The following SCML2 variants were observed in gnomAD, a reference collection of about 807,000 sequenced individuals.
SCML2 encodes the protein Scm polycomb group protein like 2.
A neutral mutation model predicts 48.4 loss-of-function variants in SCML2; 6 were observed. That is an observed-to-expected ratio of 0.12 (90% CI 0.07 to 0.24). SCML2 has a LOEUF of 0.24. SCML2 is among the 10% of genes least tolerant of loss of function. The probability of loss-of-function intolerance (pLI) is 1.00; values close to 1 mark genes in which losing one functional copy is unlikely to be tolerated. For missense variants in SCML2, 377 were observed against 528.2 expected, an observed-to-expected ratio of 0.71 and a Z score of 2.81; for synonymous variants, 181 against 189.5, an observed-to-expected ratio of 0.95 and a Z score of 0.37.
intron 2 of SCML2, among the ~76,000 whole-genome samples, chrX:18,332,426 C>A (rs1929686389): frequency 8.9e-6 from 1 of 112,052 alleles, no homozygotes; most frequent in Non-Finnish European, 1.9e-5. Flanking sequence ...AAGAATGATG[C>A]CATTCAACGT....
chrX:18,258,368 T>C (rs1287888278), intron 9 of SCML2, 121 bp from the exon 10 acceptor site: 6 of 461,282 alleles, frequency 1.3e-5, no homozygotes, highest in Middle Eastern at 6.1e-4. Context: ...AACCTAAATA[T>C]AGTTAATATC....
At chrX:18,310,326 C>T (rs1000144884) in intron 6 of SCML2, among the ~76,000 whole-genome samples, 8 of 88,798 alleles carry the variant, frequency 9.0e-5, no homozygotes, top group Non-Finnish European at 1.7e-4. Flanking sequence ...AGTGCAGTGG[C>T]ACGACCTCGG....
At chrX:18,352,172 G>C (rs1042882459) in intron 1 of SCML2, among the ~76,000 whole-genome samples, 1 of 111,931 alleles carries the variant, frequency 8.9e-6, no homozygotes, top group Non-Finnish European at 1.9e-5. Context: ...TGAGCTCAGA[G>C]ATTTCTGCAA....
rs1286269759 is a variant in SCML2, at chrX:18,265,820, A to G, written c.731-18T>C. On this transcript the variant is annotated intron_variant, in intron 7 of 14. Coordinates refer to ENST00000251900, the MANE Select transcript of SCML2 (RefSeq NM_006089.3). ...AATAGGAACTGAGGAAAAAAATACA[A>G]AAAATATTAAAGTAAATGACACAAT... 9.1e-7 allele frequency: 1 copy of G among 1,100,330 alleles called. No homozygotes were observed. The highest frequency in any genetic ancestry group is 3.0e-5 in the East Asian group (1 of 33,286). The allele number at this position is 1,100,330 out of a possible 1,213,427, so 90.7% of individuals were successfully genotyped here.
intron 7 of SCML2, among the ~76,000 whole-genome samples, chrX:18,269,880 T>C (rs1370011890): frequency 9.1e-6 from 1 of 109,758 alleles, no homozygotes. Context: ...AATCAATATT[T>C]GATCTAACTA....
chrX:18,275,658 G>C (rs1298718661), intron 7 of SCML2, among the ~76,000 whole-genome samples: 2 of 112,271 alleles, frequency 1.8e-5, no homozygotes, highest in East Asian at 5.6e-4. Context: ...ATAAATGTTT[G>C]CTGATTGTTA....
intron 2 of SCML2, among the ~76,000 whole-genome samples, chrX:18,331,822 T>C (rs1054652504): frequency 8.9e-6 from 1 of 112,047 alleles, no homozygotes; most frequent in Non-Finnish European, 1.9e-5. Context: ...CCTTTCAAGT[T>C]TTCCAGTCTG....
intron 7 of SCML2, among the ~76,000 whole-genome samples, chrX:18,304,519 AGT>A (rs1482659709): frequency 8.9e-6 from 1 of 112,343 alleles, no homozygotes; most frequent in Non-Finnish European, 1.9e-5. Context: ...AGGCTATCAA[AGT>A]GTCAATTTAA....
At chrX:18,257,604 C>T (rs1386086646) in intron 10 of SCML2, among the ~76,000 whole-genome samples, 2 of 110,355 alleles carry the variant, frequency 1.8e-5, no homozygotes, top group East Asian at 2.9e-4. Flanking sequence ...ATAAATATTA[C>T]AGGCTAGGTG....
Position 18,239,740 on chromosome X carries a change from C to G in SCML2, c.*1511G>C, listed in dbSNP as rs1926198649. 8.9e-6 allele frequency: 1 copy of G among 111,920 alleles called. No individual in the cohort carries two copies. The highest frequency in any genetic ancestry group is 1.9e-5 in the Non-Finnish European group (1 of 53,147). 9.2% of individuals were successfully genotyped at this position (111,920 alleles called of 1,213,427 possible). On this transcript the variant is annotated 3_prime_UTR_variant, in exon 15 of 15. Transcript: ENST00000251900. ...CCCCAAACATGGCTGGGCATGGTGG[C>G]TCATGCCTGTAATCCCAGCATTTTG...
At chrX:18,321,169 G>A (rs1473820819) in intron 5 of SCML2, among the ~76,000 whole-genome samples, 6 of 111,379 alleles carry the variant, frequency 5.4e-5, no homozygotes, top group Non-Finnish European at 1.1e-4. Context: ...AAATGTGTTA[G>A]AAAAAAGACA....
At chrX:18,322,777 C>T (rs914862321) in intron 5 of SCML2, among the ~76,000 whole-genome samples, 2 of 110,114 alleles carry the variant, frequency 1.8e-5, no homozygotes, top group Admixed American at 9.8e-5. Context: ...ACCTGTAATC[C>T]CAACTGCTCG....
At chrX:18,269,332 G>A (rs375859343) in intron 7 of SCML2, among the ~76,000 whole-genome samples, 10 of 111,032 alleles carry the variant, frequency 9.0e-5, no homozygotes, top group South Asian at 7.8e-4. Context: ...GAGTTCTCAC[G>A]AGATCTGATG....
At chrX:18,261,257 C>CA (rs1327082683) in intron 8 of SCML2, among the ~76,000 whole-genome samples, 2 of 107,998 alleles carry the variant, frequency 1.9e-5, no homozygotes, top group African/African-American at 7.1e-5. Context: ...CTCCGCCTCC[C>CA]AAAGTGCTGG....
At chrX:18,345,656 TGCTG>T (rs1930175591) in intron 1 of SCML2, among the ~76,000 whole-genome samples, 1 of 110,611 alleles carries the variant, frequency 9.0e-6, no homozygotes, top group Non-Finnish European at 1.9e-5. Flanking sequence ...CCTCTCAAAG[TGCTG>T]GAATTAGAGG....
At chrX:18,260,316 C>G (rs1475628293) in intron 8 of SCML2, 25 bp from the exon 9 acceptor site, 7 of 1,113,573 alleles carry the variant, frequency 6.3e-6, no homozygotes, top group Non-Finnish European at 8.5e-6. Flanking sequence ...GGGAAAAAAA[C>G]ACAAGTATAC....
intron 7 of SCML2, among the ~76,000 whole-genome samples, chrX:18,283,995 A>G (rs1382473654): frequency 8.9e-6 from 1 of 112,251 alleles, no homozygotes; most frequent in African/African-American, 3.2e-5. Flanking sequence ...CCTACACAAA[A>G]AAGAACAAAG....
At chrX:18,313,854 T>G (rs1431983556) in intron 6 of SCML2, among the ~76,000 whole-genome samples, 2 of 111,918 alleles carry the variant, frequency 1.8e-5, no homozygotes, top group Admixed American at 1.9e-4. Context: ...GTTTTGTTTT[T>G]TTGTTGTTGT....
chrX:18,284,811 C>T (rs556637833), intron 7 of SCML2, among the ~76,000 whole-genome samples: 4 of 112,145 alleles, frequency 3.6e-5, no homozygotes, highest in Middle Eastern at 4.6e-3. Context: ...GAGGCTGAGG[C>T]GGGTGGATCA....
Sources: gnomAD v4.1 joint callset for allele counts (sites outside exome capture counted in the v4.1 genomes callset) on GRCh38, gnomAD v4.1.1 for gene constraint, MANE v1.5 for transcripts, NCBI Gene and HGNC (gene_info 2026-07-23, HGNC 2026-07-21) for gene names.